Variants in ATP6V1G3 observed in about 807,000 individuals in gnomAD.
ATP6V1G3 encodes ATPase H+ transporting V1 subunit G3, also known as V-type proton ATPase subunit G 3.
In ATP6V1G3, 9 loss-of-function variants were observed where a neutral mutation model predicts 9.3. The ratio of observed to expected loss-of-function variants is 0.97; its 90% CI spans 0.59 to 1.69. The LOEUF is 1.69. ATP6V1G3 is among the 40% of genes most tolerant of loss of function. ATP6V1G3 has a pLI of 0.00. For synonymous variants in ATP6V1G3, 43 were observed against 43.8 expected (o/e 0.98, Z 0.07); for missense variants, 133 against 139.0 (o/e 0.96, Z 0.22).
intron 1 of ATP6V1G3, chr1:198,536,720 C>G: frequency 6.2e-7 from 1 of 1,604,210 alleles, no homozygotes; most frequent in African/African-American, 1.3e-5. Context: ...AAAGTAGATG[C>G]AGAACTTACA....
intron 1 of ATP6V1G3, among the ~76,000 whole-genome samples, chr1:198,535,851 G>C (rs1449529404): frequency 6.6e-6 from 1 of 152,168 alleles, no homozygotes; most frequent in Admixed American, 6.6e-5. Flanking sequence ...AGGCAGAGCA[G>C]CTGTAGGGGG....
intron 2 of ATP6V1G3, 116 bp from the exon 3 acceptor site, chr1:198,523,680 C>G: frequency 2.1e-6 from 2 of 964,462 alleles, no homozygotes; most frequent in Admixed American, 3.3e-5. Context: ...TACTCCTTTT[C>G]TAGATTTTTT....
chr1:198,529,445 C>T (rs190314250), intron 1 of ATP6V1G3, among the ~76,000 whole-genome samples: 7 of 151,696 alleles, frequency 4.6e-5, no homozygotes, highest in African/African-American at 1.4e-4. Flanking sequence ...CTTTAGGACA[C>T]GTAAATGACA....
chr1:198,531,000 A>G (rs1488424781), intron 1 of ATP6V1G3, among the ~76,000 whole-genome samples: 1 of 152,056 alleles, frequency 6.6e-6, no homozygotes, highest in Non-Finnish European at 1.5e-5. Context: ...TCTCTAGCAC[A>G]TTAAAAAAAA....
chr1:198,534,525 G>A (rs1478609736), intron 1 of ATP6V1G3, among the ~76,000 whole-genome samples: 20 of 152,116 alleles, frequency 1.3e-4, no homozygotes, highest in Admixed American at 1.3e-3. Flanking sequence ...CCTAGTATAT[G>A]GTAATTTGTT....
chr1:198,534,992 A>G (rs1660049148), intron 1 of ATP6V1G3, among the ~76,000 whole-genome samples: 1 of 151,946 alleles, frequency 6.6e-6, no homozygotes, highest in African/African-American at 2.4e-5. Flanking sequence ...CACTAAATTT[A>G]TTTCCTGTCA....
At chr1:198,540,444 G>A (rs937083014) in intron 1 of ATP6V1G3, 125 bp downstream of exon 1, 2 of 868,920 alleles carry the variant, frequency 2.3e-6, no homozygotes, top group African/African-American at 1.7e-5. Context: ...ATGGGTGAAG[G>A]TCTCACAGGG....
At chr1:198,539,590 GGT>G (rs1300702243) in intron 1 of ATP6V1G3, among the ~76,000 whole-genome samples, 1 of 152,120 alleles carries the variant, frequency 6.6e-6, no homozygotes, top group African/African-American at 2.4e-5. Context: ...AAAGCACAGT[GGT>G]TAAGATCTGG....
At chr1:198,527,688 G>C (rs1418844683) in intron 2 of ATP6V1G3, among the ~76,000 whole-genome samples, 1 of 152,108 alleles carries the variant, frequency 6.6e-6, no homozygotes, top group East Asian at 1.9e-4. Context: ...CATGTCTACT[G>C]TGTGGCAGGC....
At chr1:198,534,919 G>A (rs1452361491) in intron 1 of ATP6V1G3, among the ~76,000 whole-genome samples, 1 of 152,144 alleles carries the variant, frequency 6.6e-6, no homozygotes, top group African/African-American at 2.4e-5. Context: ...GGAAAGAAAT[G>A]TCACCAGAAA....
chr1:198,539,999 T>TGAGTCAGG (rs1294113059), intron 1 of ATP6V1G3, among the ~76,000 whole-genome samples: 1 of 152,050 alleles, frequency 6.6e-6, no homozygotes, highest in Non-Finnish European at 1.5e-5. Context: ...CAGCAGGATC[T>TGAGTCAGG]CTTGAGTCCA....
At chr1:198,534,570 C>T (rs183145382) in intron 1 of ATP6V1G3, among the ~76,000 whole-genome samples, 374 of 152,206 alleles carry the variant, frequency 2.5e-3, no homozygotes, top group Admixed American at 5.4e-3. Flanking sequence ...AGAGAATCAG[C>T]AAGGAGCATA....
chr1:198,532,083 C>T lies in ATP6V1G3; in HGVS notation c.83-2902G>A, dbSNP rs115240301. Among the ~76,000 whole-genome samples the T allele has an allele frequency of 4.5e-3, 679 of 152,010 alleles. 7 individuals carry two copies. The highest frequency in any genetic ancestry group is 0.016 in the African/African-American group (648 of 41,468). On this transcript the variant is annotated intron_variant, in intron 1 of 2. Transcript: ENST00000367382. ...GGATATTTAATTGGAGGTATGCAGA[C>T]GACAGCTGGGGAGACAAAATTGGGA...
At position 198,529,117 on chromosome 1, in the gene ATP6V1G3, C is replaced by A; in HGVS notation, c.147G>T (p.Met49Ile). 6.6e-7 allele frequency: 1 copy of A among 1,504,160 alleles called. No individual in the cohort carries two copies. The highest frequency in any genetic ancestry group is 8.9e-7 in the Non-Finnish European group (1 of 1,119,970). The allele number at this position is 1,504,160 out of a possible 1,614,324, so 93.2% of individuals were successfully genotyped here. ...EAMVEIDQYRMQRDKEFRLKQ... is the reference protein window; with the variant it reads ...EAMVEIDQYRIQRDKEFRLKQ... ...TTAGTCGAAACTCTTTATCTCTCTGCATTCTGTACTGGTCAATTTCTACCA... is the reference window on the plus strand; with the variant it reads ...TTAGTCGAAACTCTTTATCTCTCTGAATTCTGTACTGGTCAATTTCTACCA... Residue 49 changes from methionine (M) to isoleucine (I), a missense_variant, in exon 2 of 3, where the codon ATG (methionine) becomes ATT (isoleucine). Coordinates refer to ENST00000367382, the MANE Select transcript of ATP6V1G3 (RefSeq NM_001376861.1).
chr1:198,539,258 T>C (rs1660251652), intron 1 of ATP6V1G3, among the ~76,000 whole-genome samples: 1 of 152,224 alleles, frequency 6.6e-6, no homozygotes, highest in African/African-American at 2.4e-5. Flanking sequence ...CTGACTGACT[T>C]TCTTATGTTG....
chr1:198,538,561 C>T (rs1328654095), intron 1 of ATP6V1G3, among the ~76,000 whole-genome samples: 1 of 152,062 alleles, frequency 6.6e-6, no homozygotes, highest in Non-Finnish European at 1.5e-5. Context: ...ACTATCACAT[C>T]TTTAAATTAT....
intron 1 of ATP6V1G3, among the ~76,000 whole-genome samples, chr1:198,532,180 A>T (rs1659928299): frequency 6.6e-6 from 1 of 152,178 alleles, no homozygotes; most frequent in South Asian, 2.1e-4. Flanking sequence ...TATGCTAGTT[A>T]TAGCAATGGG....
At chr1:198,536,688 TC>T (rs779469044) in intron 1 of ATP6V1G3, 4 of 1,605,016 alleles carry the variant, frequency 2.5e-6, no homozygotes, top group East Asian at 2.2e-5. Context: ...CCAGAAGCAG[TC>T]CCAGTCTCTT....
chr1:198,539,695 T>G (rs73077391), intron 1 of ATP6V1G3, among the ~76,000 whole-genome samples: 1,700 of 152,336 alleles, frequency 0.011, 40 homozygotes, highest in African/African-American at 0.039. Flanking sequence ...AGCATCACTT[T>G]TGCTTTTTCA....
Sources: allele counts gnomAD v4.1 joint callset (sites outside exome capture counted in the v4.1 genomes callset), GRCh38; gene constraint gnomAD v4.1.1; transcripts MANE v1.5; gene names NCBI Gene and HGNC (gene_info 2026-07-23, HGNC 2026-07-21).